C1QTNF7: variants seen among roughly 807,000 people sequenced by gnomAD.
C1QTNF7 encodes C1q and TNF related 7.
A neutral mutation model predicts 19.6 loss-of-function variants in C1QTNF7; 15 were observed. That is an observed-to-expected ratio of 0.76 (90% CI 0.51 to 1.18). C1QTNF7 has a LOEUF of 1.18. C1QTNF7 is among the 50% of genes most tolerant of loss of function. C1QTNF7 has a pLI of 0.00. For synonymous variants in C1QTNF7, 142 were observed against 137.5 expected, an observed-to-expected ratio of 1.03 and a Z score of -0.23; for missense variants, 324 against 359.7, an observed-to-expected ratio of 0.90 and a Z score of 0.80.
At chr4:15,350,286 G>C (rs1293816725) in intron 1 of C1QTNF7, among the ~76,000 whole-genome samples, 1 of 49,766 alleles carries the variant, frequency 2.0e-5, no homozygotes, top group Non-Finnish European at 5.0e-5. Flanking sequence ...AGGAAGGAAG[G>C]GAAGAAGGAA....
chr4:15,401,714 A>AT (rs1719003685), intron 1 of C1QTNF7, among the ~76,000 whole-genome samples: 2 of 152,238 alleles, frequency 1.3e-5, no homozygotes, highest in Admixed American at 6.5e-5. Context: ...TGATCAGAAA[A>AT]GAAATAAGAT....
chr4:15,412,508 TC>T (rs1303914098), intron 1 of C1QTNF7, among the ~76,000 whole-genome samples: 1 of 152,062 alleles, frequency 6.6e-6, no homozygotes, highest in Non-Finnish European at 1.5e-5. Context: ...CACATCACCT[TC>T]TCTCTATAAT....
chr4:15,364,375 TA>T (rs1717440186), intron 1 of C1QTNF7, among the ~76,000 whole-genome samples: 1 of 152,228 alleles, frequency 6.6e-6, no homozygotes, highest in South Asian at 2.1e-4. Context: ...TTCACAGCTC[TA>T]ATGAGTGAGA....
chr4:15,373,976 T>C (rs1005937799), intron 1 of C1QTNF7: 1 of 152,208 alleles, frequency 6.6e-6, no homozygotes, highest in Admixed American at 6.5e-5. Flanking sequence ...TACCACATTG[T>C]ATGACCAAGC....
At chr4:15,407,469 T>C (rs1160948086) in intron 1 of C1QTNF7, among the ~76,000 whole-genome samples, 1 of 152,182 alleles carries the variant, frequency 6.6e-6, no homozygotes, top group African/African-American at 2.4e-5. Flanking sequence ...CCTGCACTGA[T>C]GTTAGCCGCA....
chr4:15,416,740 T>G (rs1719621070), intron 1 of C1QTNF7, among the ~76,000 whole-genome samples: 1 of 152,228 alleles, frequency 6.6e-6, no homozygotes, highest in Non-Finnish European at 1.5e-5. Context: ...TTTCTGCAGT[T>G]TGTTAGATCT....
chr4:15,408,636 G>A (rs1052191874), intron 1 of C1QTNF7, among the ~76,000 whole-genome samples: 1 of 152,056 alleles, frequency 6.6e-6, no homozygotes, highest in African/African-American at 2.4e-5. Flanking sequence ...TGTCAGCTGT[G>A]GTGTTAACAC....
intron 1 of C1QTNF7, among the ~76,000 whole-genome samples, chr4:15,431,509 A>T (rs1712307060): frequency 6.6e-6 from 1 of 152,200 alleles, no homozygotes; most frequent in Non-Finnish European, 1.5e-5. Context: ...AATTAATTTT[A>T]AAATATTTTT....
In C1QTNF7 at chr4:15,442,295, A is replaced by G. The variant is rs763919521; in HGVS notation, c.366A>G (p.Gly122=). ...KGEVGPIGPP[G]PKGDRGEQGD... ...AAGTAGGTCCAATTGGTCCTCCTGG[A>G]CCAAAGGGAGACAGAGGAGAACAAG... Residue 122 remains glycine, a synonymous_variant, in exon 3 of 3, where the codon GGA becomes GGG. Transcript: ENST00000444304. 2 of 1,614,066 alleles carry G rather than the reference A, an allele frequency of 1.2e-6. No individual in the cohort carries two copies. The highest frequency in any genetic ancestry group is 1.7e-6 in the Non-Finnish European group (2 of 1,180,010).
chr4:15,443,015 T>G lies in C1QTNF7; in HGVS notation c.*216T>G. ...GAATAGCCCCAGATATAAATTCTCT[T>G]GAAAGCAATGTTCATAAATATTTAA... On this transcript the variant is annotated 3_prime_UTR_variant, in exon 3 of 3. Coordinates refer to ENST00000444304, the MANE Select transcript of C1QTNF7 (RefSeq NM_031911.5). 1 of 405,310 alleles carries G rather than the reference T, an allele frequency of 2.5e-6. No homozygotes were observed. The highest frequency in any genetic ancestry group is 4.0e-5 in the East Asian group (1 of 25,160). The allele number at this position is 405,310 out of a possible 1,614,324, so 25.1% of individuals were successfully genotyped here. A position where few individuals can be genotyped will look rare whatever the true frequency, so the allele number is the denominator to read the frequency against.
intron 2 of C1QTNF7, 114 bp from the exon 3 acceptor site, chr4:15,442,054 T>A (rs1712780527): frequency 8.7e-7 from 1 of 1,142,986 alleles, no homozygotes; most frequent in Non-Finnish European, 1.2e-6. Flanking sequence ...AGTAGTACAC[T>A]GTTAAATGTT....
At chr4:15,394,458 A>G (rs982300653) in intron 1 of C1QTNF7, among the ~76,000 whole-genome samples, 1 of 152,246 alleles carries the variant, frequency 6.6e-6, no homozygotes, top group Non-Finnish European at 1.5e-5. Context: ...GTTGCAGAAA[A>G]TAGGTATGTT....
intron 1 of C1QTNF7, among the ~76,000 whole-genome samples, chr4:15,349,042 A>G (rs1300001150): frequency 1.3e-5 from 2 of 152,212 alleles, no homozygotes; most frequent in Admixed American, 1.3e-4. Flanking sequence ...TGAGACCCAA[A>G]GCCCACCATC....
intron 1 of C1QTNF7, among the ~76,000 whole-genome samples, chr4:15,414,401 T>G (rs911375543): frequency 4.6e-5 from 7 of 152,212 alleles, no homozygotes; most frequent in Admixed American, 1.3e-4. Flanking sequence ...CTGTCAGGAC[T>G]TTTACACACA....
rs1362477788 is a variant in C1QTNF7, at chr4:15,445,861, A to AT, written c.*3063dup. On this transcript the variant is annotated 3_prime_UTR_variant, in exon 3 of 3. Coordinates refer to ENST00000444304, the MANE Select transcript of C1QTNF7 (RefSeq NM_031911.5). ...GAAGAGTTTAAAGCCACTTAAGAAG[A>AT]TAAATAAGATATAAAAAGAAAACAG... 1.3e-5 allele frequency: 2 copies of AT among 152,212 alleles called. No individual in the cohort carries two copies. Among genetic ancestry groups the AT allele is most frequent in the African/African-American group, 4.8e-5 (2 of 41,462 alleles). 9.4% of individuals were successfully genotyped at this position (152,212 alleles called of 1,614,324 possible). A position where few individuals can be genotyped will look rare whatever the true frequency, so the allele number is the denominator to read the frequency against.
intron 1 of C1QTNF7, among the ~76,000 whole-genome samples, chr4:15,372,360 G>A (rs1035825091): frequency 6.6e-6 from 1 of 152,150 alleles, no homozygotes; most frequent in African/African-American, 2.4e-5. Context: ...CACCATATGA[G>A]GACACAGAAG....
intron 2 of C1QTNF7, among the ~76,000 whole-genome samples, chr4:15,441,449 CAAATAG>C (rs1342314570): frequency 6.6e-6 from 1 of 152,124 alleles, no homozygotes; most frequent in Admixed American, 6.5e-5. Context: ...ATTATTATCA[CAAATAG>C]AAATAGAATG....
chr4:15,359,657 GA>G (rs1717268522), intron 1 of C1QTNF7, among the ~76,000 whole-genome samples: 1 of 152,106 alleles, frequency 6.6e-6, no homozygotes, highest in African/African-American at 2.4e-5. Flanking sequence ...GATAATATAA[GA>G]AATAGGACTA....
Position 15,445,167 on chromosome 4 carries a change from G to A in C1QTNF7, c.*2368G>A, listed in dbSNP as rs928723553. 3 of 152,162 alleles carry A rather than the reference G, an allele frequency of 2.0e-5. No homozygotes were observed. The highest frequency in any genetic ancestry group is 7.2e-5 in the African/African-American group (3 of 41,416). The allele number at this position is 152,162 out of a possible 1,614,324, so 9.4% of individuals were successfully genotyped here. A position where few individuals can be genotyped will look rare whatever the true frequency, so the allele number is the denominator to read the frequency against. On this transcript the variant is annotated 3_prime_UTR_variant, in exon 3 of 3. Transcript: ENST00000444304. ...ATGTGTACAGGAGACCAAGAACAAT[G>A]AGTATTAGAAAAAAAGGAGACAGCA...
Sources: allele counts gnomAD v4.1 joint callset (sites outside exome capture counted in the v4.1 genomes callset), GRCh38; gene constraint gnomAD v4.1.1; transcripts MANE v1.5; gene names NCBI Gene and HGNC (gene_info 2026-07-23, HGNC 2026-07-21).